The following NLGN1 variants were observed in gnomAD, a reference collection of about 807,000 sequenced individuals.
The protein encoded by NLGN1 is neuroligin-1.
In NLGN1, 12 loss-of-function variants were observed where a neutral mutation model predicts 65.5. That is an observed-to-expected ratio of 0.18 (90% CI 0.12 to 0.30). The LOEUF (loss-of-function observed/expected upper bound fraction) is 0.30. NLGN1 is among the 10% of genes least tolerant of loss of function. The pLI, the probability that NLGN1 is intolerant of heterozygous loss-of-function variation, is 1.00. For synonymous variants in NLGN1, 350 were observed against 359.5 expected, an observed-to-expected ratio of 0.97 and a Z score of 0.30; for missense variants, 750 against 1,007.1, an observed-to-expected ratio of 0.74 and a Z score of 3.46.
At chr3:174,170,624 G>C (rs1214155512) in intron 4 of NLGN1, among the ~76,000 whole-genome samples, 1 of 152,178 alleles carries the variant, frequency 6.6e-6, no homozygotes. Flanking sequence ...TTACATACAT[G>C]TGAGAGCAGC....
rs576084824 is a variant in NLGN1, at chr3:173,415,220, A to G, written c.-390+16733A>G. On this transcript the variant is annotated intron_variant, in intron 1 of 6. Coordinates refer to ENST00000457714, the Ensembl canonical transcript of NLGN1. ...TATGTGGTTAAATTCTGGACCTTTG[A>G]GCAAGGCTTTCGGCAAAAACCTCCT... Among the ~76,000 whole-genome samples the G allele has an allele frequency of 1.9e-3, 285 of 152,330 alleles. 1 individual carries two copies. Among genetic ancestry groups the G allele is most frequent in the Non-Finnish European group, 3.2e-3 (216 of 68,030 alleles).
chr3:173,746,620 G>C (rs1177058922), intron 3 of NLGN1, among the ~76,000 whole-genome samples: 1 of 151,968 alleles, frequency 6.6e-6, no homozygotes, highest in Non-Finnish European at 1.5e-5. Flanking sequence ...TTTGTCACAT[G>C]CTATTATAGA....
At chr3:173,567,665 A>G (rs1332970086) in intron 2 of NLGN1, among the ~76,000 whole-genome samples, 1 of 151,792 alleles carries the variant, frequency 6.6e-6, no homozygotes, top group Non-Finnish European at 1.5e-5. Context: ...TTACCTAAAT[A>G]TTTCACTATT....
intron 3 of NLGN1, among the ~76,000 whole-genome samples, chr3:173,688,139 A>AT (rs578096081): frequency 1.1e-4 from 17 of 152,156 alleles, no homozygotes; most frequent in Non-Finnish European, 1.9e-4. Flanking sequence ...TTTCAAAGGC[A>AT]TTTTTTCAAA....
At chr3:173,997,796 C>T (rs1415019532) in intron 4 of NLGN1, among the ~76,000 whole-genome samples, 1 of 152,092 alleles carries the variant, frequency 6.6e-6, no homozygotes, top group Non-Finnish European at 1.5e-5. Flanking sequence ...TTATTCTAGC[C>T]ACTTAATTTA....
At chr3:174,120,163 G>T (rs1717444403) in intron 4 of NLGN1, among the ~76,000 whole-genome samples, 1 of 152,062 alleles carries the variant, frequency 6.6e-6, no homozygotes, top group South Asian at 2.1e-4. Flanking sequence ...AATTTACATG[G>T]CATCAAGTAC....
chr3:173,532,409 C>A (rs1736728364), intron 2 of NLGN1, among the ~76,000 whole-genome samples: 1 of 152,162 alleles, frequency 6.6e-6, no homozygotes, highest in Non-Finnish European at 1.5e-5. Context: ...ATGTTCTATG[C>A]CTTCTTTATT....
chr3:173,527,585 G>A (rs1377275619), intron 2 of NLGN1, among the ~76,000 whole-genome samples: 1 of 152,132 alleles, frequency 6.6e-6, no homozygotes, highest in Non-Finnish European at 1.5e-5. Flanking sequence ...TTTTAGTAGA[G>A]GCAAAGTTTC....
chr3:173,698,070 A>C (rs1380163618), intron 3 of NLGN1, among the ~76,000 whole-genome samples: 1 of 150,894 alleles, frequency 6.6e-6, no homozygotes, highest in Non-Finnish European at 1.5e-5. Context: ...TATATGCTTT[A>C]TTTCAAGATA....
At chr3:173,712,929 G>A (rs552318454) in intron 3 of NLGN1, among the ~76,000 whole-genome samples, 9 of 152,112 alleles carry the variant, frequency 5.9e-5, no homozygotes, top group African/African-American at 1.9e-4. Flanking sequence ...AGAAAGGTAG[G>A]CATGGAGGAA....
chr3:174,149,396 A>C (rs551997843), intron 4 of NLGN1, among the ~76,000 whole-genome samples: 10 of 152,220 alleles, frequency 6.6e-5, no homozygotes, highest in Middle Eastern at 6.8e-3. Context: ...ATGTGTTAAA[A>C]TTCTACATTT....
intron 4 of NLGN1, among the ~76,000 whole-genome samples, chr3:173,902,260 C>T (rs1737518017): frequency 6.6e-6 from 1 of 152,120 alleles, no homozygotes; most frequent in African/African-American, 2.4e-5. Context: ...GGTGAGTTCA[C>T]TTAGAGGTCA....
In NLGN1 at chr3:173,830,344, C is replaced by T. The variant is rs113610282; in HGVS notation, c.646+22512C>T. 6.7e-3 allele frequency among the ~76,000 whole-genome samples: 1,026 copies of T among 152,228 alleles called. 9 individuals are homozygous for T. Among genetic ancestry groups the T allele is most frequent in the Non-Finnish European group, 0.011 (752 of 67,996 alleles). On this transcript the variant is annotated intron_variant, in intron 4 of 6. Transcript: ENST00000457714. ...ATTGCCATAGTTGAATCTGTATCATCAAAATGATAAAATGGGTCTATAATA... is the reference window on the plus strand; with the variant it reads ...ATTGCCATAGTTGAATCTGTATCATTAAAATGATAAAATGGGTCTATAATA...
At chr3:173,789,035 A>G (rs964747645) in intron 3 of NLGN1, among the ~76,000 whole-genome samples, 14 of 151,716 alleles carry the variant, frequency 9.2e-5, no homozygotes, top group Non-Finnish European at 1.3e-4. Context: ...GTCTCTACTA[A>G]AAAAGTACAG....
At chr3:174,276,720 T>C (rs528257296) in intron 5 of NLGN1, among the ~76,000 whole-genome samples, 1 of 151,902 alleles carries the variant, frequency 6.6e-6, no homozygotes. Context: ...TAACATTTCA[T>C]TTATATTAGT....
intron 4 of NLGN1, among the ~76,000 whole-genome samples, chr3:173,856,078 T>C (rs1319651819): frequency 6.6e-6 from 1 of 152,136 alleles, no homozygotes; most frequent in Non-Finnish European, 1.5e-5. Context: ...CATTTTAATT[T>C]ACTCAGCTGT....
intron 4 of NLGN1, among the ~76,000 whole-genome samples, chr3:174,021,400 T>C (rs535573225): frequency 1.3e-5 from 2 of 152,248 alleles, no homozygotes; most frequent in South Asian, 4.1e-4. Context: ...TCCTCTTTTC[T>C]TAGTTAAAAA....
intron 4 of NLGN1, among the ~76,000 whole-genome samples, chr3:174,037,864 A>G (rs1318769690): frequency 6.6e-6 from 1 of 150,464 alleles, no homozygotes; most frequent in Non-Finnish European, 1.5e-5. Flanking sequence ...CAAAATTACA[A>G]TTGACGGTGT....
intron 4 of NLGN1, among the ~76,000 whole-genome samples, chr3:174,024,515 T>C (rs190294153): frequency 6.6e-6 from 1 of 152,338 alleles, no homozygotes; most frequent in East Asian, 1.9e-4. Flanking sequence ...AGTTAAATTT[T>C]CTATATCCCA....
Sources: gnomAD v4.1 joint callset for allele counts (sites outside exome capture counted in the v4.1 genomes callset) on GRCh38, gnomAD v4.1.1 for gene constraint, MANE v1.5 for transcripts, NCBI Gene and HGNC (gene_info 2026-07-23, HGNC 2026-07-21) for gene names.